The following GUF1 variants were observed in gnomAD, a reference collection of about 807,000 sequenced individuals.
GUF1 encodes translation factor GUF1, mitochondrial.
Under a neutral mutation model 82.4 loss-of-function variants are expected in GUF1, and 78 were observed. The observed-to-expected ratio is 0.95, with a 90% CI of 0.79 to 1.14. GUF1 has a LOEUF of 1.14. Among genes scored for constraint, GUF1 ranks in the 50% most tolerant of loss-of-function variants. The pLI, the probability that GUF1 is intolerant of heterozygous loss-of-function variation, is 0.00. For synonymous variants in GUF1, 279 were observed against 282.3 expected (o/e 0.99, Z 0.12); for missense variants, 814 against 798.2 (o/e 1.02, Z -0.24).
intron 6 of GUF1, among the ~76,000 whole-genome samples, chr4:44,684,566 T>C (rs1319160893): frequency 6.6e-6 from 1 of 152,028 alleles, no homozygotes; most frequent in Non-Finnish European, 1.5e-5. Context: ...AGAGAATGGA[T>C]CAAAGAGGTA....
intron 15 of GUF1, 139 bp from the exon 16 acceptor site, chr4:44,697,269 A>G (rs1376035190): frequency 4.5e-6 from 2 of 440,264 alleles, no homozygotes; most frequent in Non-Finnish European, 8.4e-6. Flanking sequence ...TATCTAATTA[A>G]TATGCTTATG....
chr4:44,678,921 G>T, intron 1 of GUF1, 134 bp downstream of exon 1: 1 of 884,580 alleles, frequency 1.1e-6, no homozygotes, highest in Non-Finnish European at 1.7e-6. Context: ...AGGCAGAGCG[G>T]AGAGTGTGAG....
At position 44,689,368 on chromosome 4, in the gene GUF1, C is replaced by T. The variant is rs760772043; in HGVS notation, c.1161C>T (p.Thr387=). The part of the protein sequence containing the change: ...EKLTLNDSSV[T]VHRDSSLALG... ...TGACTTTAAATGATTCCAGTGTGAC[C>T]GTTCATCGGGATAGTAGCCTTGCTC... The change falls in exon 10 of 17, where the codon ACC becomes ACT. Residue 387 remains threonine (T), a synonymous_variant. Coordinates refer to ENST00000281543, the MANE Select transcript of GUF1 (RefSeq NM_021927.3). 5.0e-6 allele frequency: 8 copies of T among 1,608,704 alleles called. No individual in the cohort carries two copies. The highest frequency in any genetic ancestry group is 4.4e-5 in the South Asian group (4 of 90,714).
Position 44,680,437 on chromosome 4 carries a change from C to T in GUF1, c.166-4C>T. 2 of 1,472,670 alleles carry T rather than the reference C, an allele frequency of 1.4e-6. No homozygotes were observed. Among genetic ancestry groups the T allele is most frequent in the Non-Finnish European group, 9.4e-7 (1 of 1,058,766 alleles). The allele number at this position is 1,472,670 out of a possible 1,614,324, so 91.2% of individuals were successfully genotyped here. Reference sequence around the variant, plus strand: ...CTCCTAAATGTGGTATTTCCCCTTTCTAGGAAAAACTTGACATGTCTAGGT... The same window carrying T: ...CTCCTAAATGTGGTATTTCCCCTTTTTAGGAAAAACTTGACATGTCTAGGT... On this transcript the variant is annotated splice_region_variant and splice_polypyrimidine_tract_variant and intron_variant, in intron 1 of 16. Transcript: ENST00000281543.
intron 15 of GUF1, among the ~76,000 whole-genome samples, chr4:44,696,563 C>T (rs771270792): frequency 2.0e-5 from 3 of 152,132 alleles, no homozygotes; most frequent in African/African-American, 4.8e-5. Flanking sequence ...AGTATCTCCT[C>T]AGTTATGAAA....
intron 7 of GUF1, among the ~76,000 whole-genome samples, chr4:44,686,258 C>T (rs1438394826): frequency 1.3e-5 from 2 of 151,938 alleles, no homozygotes; most frequent in African/African-American, 4.8e-5. Context: ...TCATGACAAT[C>T]ATTATAAAAT....
chr4:44,698,863 T>C lies in GUF1; in HGVS notation c.*182T>C, dbSNP rs1716029008. On this transcript the variant is annotated 3_prime_UTR_variant, in exon 17 of 17. Transcript: ENST00000281543. Reference sequence around the variant, plus strand: ...GATTTTGAAGCCATGTTGCCTGTTCTCAAATATCTGTTCCAACCACTCACT... The same window carrying C: ...GATTTTGAAGCCATGTTGCCTGTTCCCAAATATCTGTTCCAACCACTCACT... 1.8e-6 allele frequency: 1 copy of C among 560,040 alleles called. No individual in the cohort carries two copies. Among genetic ancestry groups the C allele is most frequent in the African/African-American group, 1.9e-5 (1 of 52,126 alleles). The allele number at this position is 560,040 out of a possible 1,614,324, so 34.7% of individuals were successfully genotyped here.
intron 5 of GUF1, 68 bp from the exon 6 acceptor site, chr4:44,683,167 G>T: frequency 3.1e-6 from 3 of 967,818 alleles, no homozygotes; most frequent in South Asian, 1.7e-5. Context: ...AATTACCTCC[G>T]AATACTGTTA....
At position 44,680,492 on chromosome 4, in the gene GUF1, A is replaced by G. The variant is rs1022504480; in HGVS notation, c.217A>G (p.Ile73Val). The stretch of plus-strand genomic sequence containing the variant: ...TGTTGAAAATATTAGAAATTTCAGT[A>G]TTGTTGCACACGTGGATCATGGCAA... The part of the protein sequence containing the change: ...FPVENIRNFS[I>V]VAHVDHGKST... The change falls in exon 2 of 17, where the codon ATT (isoleucine) becomes GTT (valine). Residue 73 changes from isoleucine (I) to valine (V), a missense_variant. Ile to Val is a conservative substitution (Grantham distance 29). Transcript: ENST00000281543. The G allele has an allele frequency of 6.2e-7, 1 of 1,609,184 alleles. No homozygotes were observed. The highest frequency in any genetic ancestry group is 1.3e-5 in the African/African-American group (1 of 74,744).
chr4:44,689,026 C>G (rs1340042777), intron 9 of GUF1, among the ~76,000 whole-genome samples: 2 of 149,306 alleles, frequency 1.3e-5, no homozygotes, highest in Non-Finnish European at 3.0e-5. Flanking sequence ...TTTTTCTTTT[C>G]CCTGTATTTT....
In GUF1 at chr4:44,678,707, G is replaced by A. The variant is rs1714582461; in HGVS notation, c.85G>A (p.Gly29Arg). ...TGGGGCCGCGCTTCTGGTGGCCCCGGGGCCCCGGTCCGCGCCGACCCTTGG... is the reference window on the plus strand; with the variant it reads ...TGGGGCCGCGCTTCTGGTGGCCCCGAGGCCCCGGTCCGCGCCGACCCTTGG... Reference protein sequence around the residue: ...ATGAALLVAPGPRSAPTLGAA... With the variant: ...ATGAALLVAPRPRSAPTLGAA... The change falls in exon 1 of 17, where the codon GGG becomes AGG. Residue 29 changes from glycine to arginine, a missense_variant. Transcript: ENST00000281543. The A allele has an allele frequency of 2.0e-6, 3 of 1,509,712 alleles. No individual in the cohort carries two copies. Among genetic ancestry groups the A allele is most frequent in the Non-Finnish European group, 2.6e-6 (3 of 1,142,830 alleles). The allele number at this position is 1,509,712 out of a possible 1,614,324, so 93.5% of individuals were successfully genotyped here. A position where few individuals can be genotyped will look rare whatever the true frequency, so the allele number is the denominator to read the frequency against.
At chr4:44,683,347 T>C in intron 6 of GUF1, 29 bp downstream of exon 6, 1 of 1,331,006 alleles carries the variant, frequency 7.5e-7, no homozygotes, top group Non-Finnish European at 1.0e-6. Context: ...AAGATTATAC[T>C]TTGAAAAAAG....
chr4:44,693,149 A>G (rs946847163), intron 13 of GUF1, among the ~76,000 whole-genome samples: 5 of 152,066 alleles, frequency 3.3e-5, no homozygotes, highest in Non-Finnish European at 7.4e-5. Flanking sequence ...AATTAAGATC[A>G]GGAAAAAACT....
rs1384182268 is a variant in GUF1, at chr4:44,697,399, C to G, written c.1836-9C>G. On this transcript the variant is annotated splice_polypyrimidine_tract_variant and intron_variant, in intron 15 of 16. Coordinates refer to ENST00000281543, the MANE Select transcript of GUF1 (RefSeq NM_021927.3). ...ATTATGTACTTAAACGAATTTTTCT[C>G]TTTTACAGTGTGAAAGCCTATAGGA... 3.2e-6 allele frequency: 5 copies of G among 1,547,762 alleles called. No homozygotes were observed. The East Asian group carries it at 9.3e-5, about 29-fold the overall frequency.
At chr4:44,680,896 G>A in intron 3 of GUF1, 54 bp downstream of exon 3, 2 of 1,428,190 alleles carry the variant, frequency 1.4e-6, no homozygotes, top group South Asian at 1.2e-5. Context: ...TGTGTCAGTA[G>A]TGCAAACAGA....
In GUF1 at chr4:44,680,483, A is replaced by AT; in HGVS notation, c.208_209insT (p.Asn70IlefsTer17). On this transcript the variant is annotated frameshift_variant, in exon 2 of 17. Transcript: ENST00000281543. LOFTEE classifies it high-confidence loss of function. ...TAGGTTTCCTGTTGAAAATATTAGA[A>AT]ATTTCAGTATTGTTGCACACGTGGA... is the stretch of plus-strand genomic sequence containing the variant. 6.2e-7 allele frequency: 1 copy of AT among 1,608,236 alleles called. No individual in the cohort carries two copies. Among genetic ancestry groups the AT allele is most frequent in the South Asian group, 1.1e-5 (1 of 89,992 alleles).
At chr4:44,678,816 C>A in intron 1 of GUF1, 29 bp downstream of exon 1, 1 of 1,536,430 alleles carries the variant, frequency 6.5e-7, no homozygotes, top group South Asian at 1.3e-5. Flanking sequence ...CTGATTTAGC[C>A]AAGTTTTCAA....
rs941792880 is a variant in GUF1 at position 44,700,476 on chromosome 4, A to T, written c.*1795A>T. 2 of 152,246 alleles carry T rather than the reference A, an allele frequency of 1.3e-5. No homozygotes were observed. Among genetic ancestry groups the T allele is most frequent in the African/African-American group, 4.8e-5 (2 of 41,428 alleles). 9.4% of individuals were successfully genotyped at this position (152,246 alleles called of 1,614,324 possible). A position where few individuals can be genotyped will look rare whatever the true frequency, so the allele number is the denominator to read the frequency against. ...GCAACCCTTTCTCTCTTACCTGCCT[A>T]TGCTTGAAGCCCCCGCCCCTCTTCA... On this transcript the variant is annotated 3_prime_UTR_variant, in exon 17 of 17. Transcript: ENST00000281543.
In GUF1 at chr4:44,697,447, A is replaced by G. The variant is rs775538726; in HGVS notation, c.1872+3A>G. 7 of 1,522,970 alleles carry G rather than the reference A, an allele frequency of 4.6e-6. No individual in the cohort carries two copies. Among genetic ancestry groups the G allele is most frequent in the Non-Finnish European group, 6.3e-6 (7 of 1,108,600 alleles). The allele number at this position is 1,522,970 out of a possible 1,614,324, so 94.3% of individuals were successfully genotyped here. ...GGAAAAACGTTTTGGCAAAATGTGT[A>G]TGTATCTAGTTGTATTTATTCTACT... On this transcript the variant is annotated splice_donor_region_variant and intron_variant, in intron 16 of 16. Coordinates refer to ENST00000281543, the MANE Select transcript of GUF1 (RefSeq NM_021927.3).
Sources: gnomAD v4.1 joint callset for allele counts (sites outside exome capture counted in the v4.1 genomes callset) on GRCh38, gnomAD v4.1.1 for gene constraint, MANE v1.5 for transcripts, NCBI Gene and HGNC (gene_info 2026-07-23, HGNC 2026-07-21) for gene names.